Variants in TPD52L2 observed in about 807,000 individuals in gnomAD.
TPD52L2 encodes tumor protein D54.
In TPD52L2, 19 loss-of-function variants were observed where a neutral mutation model predicts 24.7. The ratio of observed to expected loss-of-function variants is 0.77; its 90% CI spans 0.54 to 1.13. TPD52L2 has a LOEUF of 1.13. Ranked by LOEUF, TPD52L2 falls within the 50% of genes most tolerant of loss-of-function variation. TPD52L2 has a pLI of 0.00. For synonymous variants in TPD52L2, 104 were observed against 100.2 expected (o/e 1.04, Z -0.23); for missense variants, 236 against 250.4 (o/e 0.94, Z 0.39).
chr20:63,865,396 G>GC lies in TPD52L2; in HGVS notation c.19+15dup, dbSNP rs1224183810. ...CTCCGCCGGCCAAGGTACCTGCCGG[G>GC]CCCGGCCCCTTCGCCGCAGATGGGC... On this transcript the variant is annotated intron_variant, in intron 1 of 6. Transcript: ENST00000346249. The GC allele has an allele frequency of 2.0e-6, 3 of 1,529,050 alleles. No individual in the cohort carries two copies. The highest frequency in any genetic ancestry group is 2.6e-6 in the Non-Finnish European group (3 of 1,143,326). The allele number at this position is 1,529,050 out of a possible 1,614,324, so 94.7% of individuals were successfully genotyped here. A position where few individuals can be genotyped will look rare whatever the true frequency, so the allele number is the denominator to read the frequency against.
At chr20:63,883,697 G>T (rs2052984948) in intron 5 of TPD52L2, among the ~76,000 whole-genome samples, 1 of 152,096 alleles carries the variant, frequency 6.6e-6, no homozygotes, top group African/African-American at 2.4e-5. Context: ...TCCTGGCAAA[G>T]ATGGGTGCAG....
At chr20:63,882,478 G>C (rs374857854) in intron 4 of TPD52L2, among the ~76,000 whole-genome samples, 1 of 152,244 alleles carries the variant, frequency 6.6e-6, no homozygotes, top group Non-Finnish European at 1.5e-5. Context: ...GCCGAGACTC[G>C]GCAGGGTCGC....
intron 2 of TPD52L2, among the ~76,000 whole-genome samples, chr20:63,870,121 T>C (rs1449622838): frequency 6.6e-6 from 1 of 152,240 alleles, no homozygotes; most frequent in East Asian, 1.9e-4. Flanking sequence ...GGCGAGACCC[T>C]GTCTCAAAAA....
chr20:63,885,714 TAAGGCGTGGAC>T (rs1382467635), intron 5 of TPD52L2, among the ~76,000 whole-genome samples: 5 of 152,204 alleles, frequency 3.3e-5, no homozygotes, highest in Admixed American at 1.3e-4. Context: ...CCTTGGGGCA[TAAGGCGTGGAC>T]AGGGCGTGGA....
At chr20:63,867,588 G>A (rs1022126057) in intron 1 of TPD52L2, among the ~76,000 whole-genome samples, 1 of 151,824 alleles carries the variant, frequency 6.6e-6, no homozygotes, top group African/African-American at 2.4e-5. Flanking sequence ...GAGAATCAGT[G>A]GATAAAAAAG....
chr20:63,869,492 T>A, intron 2 of TPD52L2, 51 bp downstream of exon 2: 1 of 1,605,258 alleles, frequency 6.2e-7, no homozygotes, highest in Non-Finnish European at 8.5e-7. Context: ...TAAGGCCCTC[T>A]TGGATTAGTG....
intron 6 of TPD52L2, 50 bp downstream of exon 6, chr20:63,889,288 C>G (rs370717054): frequency 1.3e-6 from 2 of 1,496,152 alleles, no homozygotes; most frequent in African/African-American, 2.8e-5. Flanking sequence ...TGACCTGTTA[C>G]AGCAACTTGT....
rs142124994 is a variant in TPD52L2, at chr20:63,870,968, G to C, written c.165+1527G>C. Among the ~76,000 whole-genome samples the C allele has an allele frequency of 5.2e-3, 785 of 150,978 alleles. 10 individuals carry two copies. Among genetic ancestry groups the C allele is most frequent in the African/African-American group, 0.018 (750 of 41,078 alleles). ...CCTGATCTTGTGATCCACCCACCTT[G>C]GCCTCCCAGAGTGCTGGGATTACAG... is the stretch of plus-strand genomic sequence containing the variant. On this transcript the variant is annotated intron_variant, in intron 2 of 6. Transcript: ENST00000346249.
chr20:63,878,152 C>T (rs1274772943), intron 4 of TPD52L2, among the ~76,000 whole-genome samples: 2 of 152,228 alleles, frequency 1.3e-5, no homozygotes, highest in Non-Finnish European at 2.9e-5. Flanking sequence ...GCAGTAAAAG[C>T]TCCCTGCATC....
chr20:63,873,817 G>T lies in TPD52L2; in HGVS notation c.314+1G>T. ...GGCATGACGTGCAGGTCTCTAGCGCGTAGGTACCTGCCCCAGGCGCACCCC... is the reference window on the plus strand; with the variant it reads ...GGCATGACGTGCAGGTCTCTAGCGCTTAGGTACCTGCCCCAGGCGCACCCC... On this transcript the variant is annotated splice_donor_variant, in intron 3 of 6. Coordinates refer to ENST00000346249, the MANE Select transcript of TPD52L2 (RefSeq NM_003288.4). LOFTEE classifies it high-confidence loss of function. 6.5e-7 allele frequency: 1 copy of T among 1,532,944 alleles called. No homozygotes were observed. Among genetic ancestry groups the T allele is most frequent in the Non-Finnish European group, 8.7e-7 (1 of 1,144,388 alleles). 95.0% of individuals were successfully genotyped at this position (1,532,944 alleles called of 1,614,324 possible). A position where few individuals can be genotyped will look rare whatever the true frequency, so the allele number is the denominator to read the frequency against.
In TPD52L2 at chr20:63,889,979, G is replaced by A. The variant is rs767196131; in HGVS notation, c.*34G>A. On this transcript the variant is annotated 3_prime_UTR_variant, in exon 7 of 7. Transcript: ENST00000346249. The stretch of plus-strand genomic sequence containing the variant: ...TTGCTTCACCCGCTGCAGAGCACAC[G>A]CAACCCAGCCTCAGCATCACAGCCG... 10 of 1,612,124 alleles carry A rather than the reference G, an allele frequency of 6.2e-6. No homozygotes were observed. The highest frequency in any genetic ancestry group is 2.2e-5 in the South Asian group (2 of 90,910).
At chr20:63,871,138 G>C (rs1398102588) in intron 2 of TPD52L2, among the ~76,000 whole-genome samples, 1 of 151,856 alleles carries the variant, frequency 6.6e-6, no homozygotes, top group African/African-American at 2.4e-5. Flanking sequence ...TGCCTCCCTG[G>C]TTCAAGTGAT....
intron 5 of TPD52L2, among the ~76,000 whole-genome samples, chr20:63,885,772 A>G (rs960167184): frequency 6.6e-6 from 1 of 152,222 alleles, no homozygotes; most frequent in African/African-American, 2.4e-5. Context: ...GAGGCTGAGC[A>G]GTTGCTAGTC....
chr20:63,878,724 C>T (rs2052782744), intron 4 of TPD52L2, among the ~76,000 whole-genome samples: 1 of 152,218 alleles, frequency 6.6e-6, no homozygotes, highest in Non-Finnish European at 1.5e-5. Flanking sequence ...ATGCCCTGTG[C>T]TGCCCAGGGG....
At chr20:63,878,172 G>A (rs6011198) in intron 4 of TPD52L2, among the ~76,000 whole-genome samples, 8,802 of 152,308 alleles carry the variant, frequency 0.058, 431 homozygotes, top group East Asian at 0.2. Flanking sequence ...CCTGACCCAC[G>A]TGTTTGTAGA....
chr20:63,868,563 A>G (rs2052346089), intron 1 of TPD52L2, among the ~76,000 whole-genome samples: 1 of 152,188 alleles, frequency 6.6e-6, no homozygotes, highest in Non-Finnish European at 1.5e-5. Flanking sequence ...CTAGTACGTA[A>G]TTTTAGCATG....
At chr20:63,884,159 C>T (rs540346539) in intron 5 of TPD52L2, among the ~76,000 whole-genome samples, 1 of 152,236 alleles carries the variant, frequency 6.6e-6, no homozygotes, top group East Asian at 1.9e-4. Flanking sequence ...TGCACCCTCA[C>T]ACGCCCAAGG....
At chr20:63,870,520 G>GTTT (rs959786861) in intron 2 of TPD52L2, among the ~76,000 whole-genome samples, 508 of 94,576 alleles carry the variant, frequency 5.4e-3, no homozygotes, top group South Asian at 0.014. Flanking sequence ...ATAAGGTGAA[G>GTTT]TTTTTTTTTT....
chr20:63,881,277 C>T (rs1442362572), intron 4 of TPD52L2, among the ~76,000 whole-genome samples: 1 of 152,008 alleles, frequency 6.6e-6, no homozygotes, highest in East Asian at 1.9e-4. Context: ...AGGAGAATCT[C>T]TTGAACCCGG....
Sources: allele counts gnomAD v4.1 joint callset (sites outside exome capture counted in the v4.1 genomes callset), GRCh38; gene constraint gnomAD v4.1.1; transcripts MANE v1.5; gene names NCBI Gene and HGNC (gene_info 2026-07-23, HGNC 2026-07-21).